The following SLC16A12 variants were observed in gnomAD, a reference collection of about 807,000 sequenced individuals.
SLC16A12 encodes solute carrier family 16 member 12.
In SLC16A12, 17 loss-of-function variants were observed where a neutral mutation model predicts 42.4. That is an observed-to-expected ratio of 0.40 (90% CI 0.27 to 0.60). SLC16A12 has a LOEUF of 0.60. SLC16A12 is among the 20% of genes least tolerant of loss of function. SLC16A12 has a pLI of 0.42. For synonymous variants in SLC16A12, 224 were observed against 229.4 expected (o/e 0.98, Z 0.21); for missense variants, 544 against 623.0 (o/e 0.87, Z 1.35).
At chr10:89,545,136 C>T (rs1843735555) in intron 2 of SLC16A12, among the ~76,000 whole-genome samples, 1 of 152,106 alleles carries the variant, frequency 6.6e-6, no homozygotes. Context: ...TGAGCCCAGC[C>T]AAGACCAGCA....
intron 2 of SLC16A12, among the ~76,000 whole-genome samples, chr10:89,553,473 A>G (rs1039124064): frequency 6.6e-6 from 1 of 152,218 alleles, no homozygotes; most frequent in Non-Finnish European, 1.5e-5. Flanking sequence ...TAAATTGTTT[A>G]AAGTTGACAG....
chr10:89,534,124 A>G (rs1371995951), intron 2 of SLC16A12, among the ~76,000 whole-genome samples: 3 of 152,212 alleles, frequency 2.0e-5, no homozygotes, highest in South Asian at 2.1e-4. Context: ...CCCTGTAATT[A>G]TAAGTGACTA....
At chr10:89,542,393 C>T (rs576792335) in intron 2 of SLC16A12, among the ~76,000 whole-genome samples, 96 of 149,962 alleles carry the variant, frequency 6.4e-4, no homozygotes, top group Middle Eastern at 3.5e-3. Flanking sequence ...ACTGCCGTCT[C>T]CTGGACTCAA....
At chr10:89,520,734 A>G (rs949453488) in intron 2 of SLC16A12, among the ~76,000 whole-genome samples, 1 of 151,604 alleles carries the variant, frequency 6.6e-6, no homozygotes, top group South Asian at 2.1e-4. Flanking sequence ...AAAAAAAAAA[A>G]AAAAAAAATG....
intron 2 of SLC16A12, among the ~76,000 whole-genome samples, chr10:89,532,735 G>A (rs970030617): frequency 1.1e-4 from 17 of 152,160 alleles, no homozygotes; most frequent in African/African-American, 3.9e-4. Context: ...AAACATGCCT[G>A]AGCTTGCAAA....
chr10:89,486,655 GAAAGAAAGA>G (rs1589698624), intron 2 of SLC16A12, among the ~76,000 whole-genome samples: 24 of 48,728 alleles, frequency 4.9e-4, no homozygotes, highest in East Asian at 4.5e-3. Context: ...AAGAAAGAAA[GAAAGAAAGA>G]AAAGAAAGAA....
chr10:89,514,669 C>T (rs560527911), intron 2 of SLC16A12, among the ~76,000 whole-genome samples: 9 of 152,362 alleles, frequency 5.9e-5, no homozygotes, highest in Admixed American at 2.0e-4. Flanking sequence ...AAAGGCCCCA[C>T]TTCCAAATAC....
intron 3 of SLC16A12, chr10:89,456,196 G>A (rs1842186677): frequency 6.6e-6 from 1 of 152,168 alleles, no homozygotes; most frequent in Non-Finnish European, 1.5e-5. Context: ...GTGTTATGAG[G>A]ATTAAATGAT....
intron 4 of SLC16A12, 39 bp from the exon 5 acceptor site, chr10:89,441,290 T>G (rs182883699): frequency 1.9e-6 from 3 of 1,612,836 alleles, no homozygotes; most frequent in Non-Finnish European, 2.5e-6. Flanking sequence ...CAGAAAGGCC[T>G]TGAGGGCACT....
At chr10:89,487,809 CAAAA>C (rs71022569) in intron 2 of SLC16A12, among the ~76,000 whole-genome samples, 1 of 84,780 alleles carries the variant, frequency 1.2e-5, no homozygotes, top group Non-Finnish European at 2.2e-5. Context: ...GATTCTGTCT[CAAAA>C]AAAAAAAAAA....
intron 6 of SLC16A12, among the ~76,000 whole-genome samples, chr10:89,436,759 A>G (rs982272238): frequency 6.6e-6 from 1 of 151,184 alleles, no homozygotes; most frequent in African/African-American, 2.5e-5. Context: ...AAATAAACTA[A>G]CACTAATGAT....
chr10:89,517,547 G>A (rs1217950482), intron 2 of SLC16A12, among the ~76,000 whole-genome samples: 1 of 152,020 alleles, frequency 6.6e-6, no homozygotes, highest in Admixed American at 6.6e-5. Flanking sequence ...CTAGACTCAA[G>A]GAATCCTCCT....
intron 2 of SLC16A12, among the ~76,000 whole-genome samples, chr10:89,528,447 A>G (rs1357641525): frequency 6.6e-6 from 1 of 152,158 alleles, no homozygotes; most frequent in Non-Finnish European, 1.5e-5. Flanking sequence ...TAATTAATTC[A>G]TTGGTTGACA....
chr10:89,495,386 C>G (rs944948740), intron 2 of SLC16A12, among the ~76,000 whole-genome samples: 1 of 152,004 alleles, frequency 6.6e-6, no homozygotes, highest in African/African-American at 2.4e-5. Context: ...ACAAACATCA[C>G]ACTAGGAACC....
At chr10:89,544,814 T>G (rs933163511) in intron 2 of SLC16A12, among the ~76,000 whole-genome samples, 3 of 147,948 alleles carry the variant, frequency 2.0e-5, no homozygotes, top group African/African-American at 7.8e-5. Flanking sequence ...TCTGTCTAAC[T>G]CTGGGGTAGA....
At chr10:89,474,797 T>C (rs1163277692) in intron 2 of SLC16A12, among the ~76,000 whole-genome samples, 5 of 152,214 alleles carry the variant, frequency 3.3e-5, no homozygotes, top group African/African-American at 1.2e-4. Flanking sequence ...ATATATGTTA[T>C]TCCATGTTAT....
At chr10:89,536,167 C>T (rs1843657709), upstream of SLC16A12, among the ~76,000 whole-genome samples, 1 of 152,154 alleles carries the variant, frequency 6.6e-6, no homozygotes, top group African/African-American at 2.4e-5. Context: ...GAGGGGAGCT[C>T]GGTGTTCCCA....
chr10:89,511,092 G>C (rs1227674546), intron 2 of SLC16A12, among the ~76,000 whole-genome samples: 1 of 152,252 alleles, frequency 6.6e-6, no homozygotes, highest in Non-Finnish European at 1.5e-5. Context: ...AGATGCTGGA[G>C]AGGATGTAGA....
In SLC16A12 at chr10:89,457,764, G is replaced by A. The variant is rs1842219910; in HGVS notation, c.200+4615C>T. The stretch of plus-strand genomic sequence containing the variant: ...GCACCCTTTATTCCATCCTGCTTTA[G>A]CTACTATTTCTTTTTGGAACAAAGA... On this transcript the variant is annotated intron_variant, in intron 3 of 7. Coordinates refer to ENST00000371790, the MANE Select transcript of SLC16A12 (RefSeq NM_213606.4). 7.9e-5 allele frequency among the ~76,000 whole-genome samples: 12 copies of A among 152,150 alleles called. 1 individual carries two copies. In the South Asian group the frequency reaches 2.5e-3, roughly 32 times the overall value.
Sources: gnomAD v4.1 joint callset for allele counts (sites outside exome capture counted in the v4.1 genomes callset) on GRCh38, gnomAD v4.1.1 for gene constraint, MANE v1.5 for transcripts, NCBI Gene and HGNC (gene_info 2026-07-23, HGNC 2026-07-21) for gene names.